PXDNL: variants seen among roughly 807,000 people sequenced by gnomAD.
PXDNL encodes peroxidasin like, also known as probable oxidoreductase PXDNL.
In PXDNL, 145 loss-of-function variants were observed where a neutral mutation model predicts 150.8. That is an observed-to-expected ratio of 0.96 (90% confidence interval 0.84 to 1.10). The LOEUF (loss-of-function observed/expected upper bound fraction) is 1.10, where lower values mean the gene tolerates loss of function less well. Among genes scored for constraint, PXDNL ranks in the 50% least tolerant of loss-of-function variants. PXDNL has a pLI of 0.00. For missense variants in PXDNL, 2,087 were observed against 1,873.9 expected (o/e 1.11, Z -2.10); for synonymous variants, 757 against 725.7 (o/e 1.04, Z -0.69).
At position 51,345,924 on chromosome 8, in the gene PXDNL, T is replaced by C; in HGVS notation, c.3925A>G (p.Arg1309Gly). 1 of 1,612,928 alleles carries C rather than the reference T, an allele frequency of 6.2e-7. No homozygotes were observed. The highest frequency in any genetic ancestry group is 8.5e-7 in the Non-Finnish European group (1 of 1,178,886). ...CADCRSRGQFRAVTQESQKKR... is the reference protein window; with the variant it reads ...CADCRSRGQFGAVTQESQKKR... ...TTTTGAGACTCTTGCGTCACTGCTC[T>C]GAACTGTCCTCTACTCCTACAGTCT... Residue 1309 changes from arginine to glycine, a missense_variant, in exon 20 of 23, where the codon AGA becomes GGA. By Grantham distance (125) the Arg-to-Gly change is moderately radical. Transcript: ENST00000356297.
chr8:51,353,199 T>G (rs1165980715), intron 19 of PXDNL, among the ~76,000 whole-genome samples: 1 of 150,186 alleles, frequency 6.7e-6, no homozygotes, highest in Non-Finnish European at 1.5e-5. Context: ...ATACTAGATA[T>G]TAGATGAATA....
intron 20 of PXDNL, among the ~76,000 whole-genome samples, chr8:51,340,340 A>G (rs948506667): frequency 2.6e-5 from 4 of 152,232 alleles, no homozygotes; most frequent in Non-Finnish European, 5.9e-5. Flanking sequence ...AAACTTTCAA[A>G]AAACAGAAGC....
chr8:51,686,179 T>G (rs1271161975), intron 1 of PXDNL, among the ~76,000 whole-genome samples: 1 of 152,254 alleles, frequency 6.6e-6, no homozygotes, highest in Non-Finnish European at 1.5e-5. Flanking sequence ...GGGAAACAGA[T>G]TCACTTTCGA....
At chr8:51,710,331 T>G (rs1018577533) in intron 1 of PXDNL, among the ~76,000 whole-genome samples, 1 of 152,198 alleles carries the variant, frequency 6.6e-6, no homozygotes, top group African/African-American at 2.4e-5. Context: ...CAAAGAAAAA[T>G]TATACATATT....
At chr8:51,671,710 T>C (rs996829991) in intron 1 of PXDNL, among the ~76,000 whole-genome samples, 1 of 152,076 alleles carries the variant, frequency 6.6e-6, no homozygotes, top group Non-Finnish European at 1.5e-5. Context: ...TGCCAAACAC[T>C]TGATCACTTA....
intron 1 of PXDNL, among the ~76,000 whole-genome samples, chr8:51,805,876 T>C (rs1352482518): frequency 1.3e-5 from 2 of 152,206 alleles, no homozygotes; most frequent in Non-Finnish European, 2.9e-5. Flanking sequence ...TGGAATAGGA[T>C]GGAGTCAAAT....
At chr8:51,471,295 C>G (rs1041841639) in intron 8 of PXDNL, among the ~76,000 whole-genome samples, 2 of 152,164 alleles carry the variant, frequency 1.3e-5, no homozygotes, top group African/African-American at 4.8e-5. Context: ...TACCATCTCA[C>G]GCCAGTTAGA....
chr8:51,663,698 A>G (rs573133890), intron 1 of PXDNL, among the ~76,000 whole-genome samples: 40 of 152,260 alleles, frequency 2.6e-4, no homozygotes, highest in African/African-American at 9.1e-4. Context: ...CATCTGCTAC[A>G]TACCTGGTTC....
chr8:51,391,280 T>C (rs1293797918), intron 17 of PXDNL, among the ~76,000 whole-genome samples: 1 of 152,174 alleles, frequency 6.6e-6, no homozygotes, highest in Non-Finnish European at 1.5e-5. Context: ...CTGGGTCAAA[T>C]GGTATTTCTA....
chr8:51,592,053 A>G (rs1488600954), intron 3 of PXDNL, among the ~76,000 whole-genome samples: 1 of 152,238 alleles, frequency 6.6e-6, no homozygotes, highest in East Asian at 1.9e-4. Context: ...TCAAATTACC[A>G]AACACCAATG....
intron 12 of PXDNL, among the ~76,000 whole-genome samples, chr8:51,443,619 A>T (rs1384644435): frequency 6.6e-6 from 1 of 152,228 alleles, no homozygotes; most frequent in African/African-American, 2.4e-5. Flanking sequence ...AACTCATGGC[A>T]TTTTTAAATA....
At chr8:51,681,321 T>C (rs1815746668) in intron 1 of PXDNL, among the ~76,000 whole-genome samples, 2 of 152,212 alleles carry the variant, frequency 1.3e-5, no homozygotes, top group African/African-American at 4.8e-5. Flanking sequence ...ACCTCTTATT[T>C]CCACACTCCA....
At chr8:51,364,342 A>G (rs866336633) in intron 19 of PXDNL, among the ~76,000 whole-genome samples, 5 of 152,196 alleles carry the variant, frequency 3.3e-5, no homozygotes, top group African/African-American at 4.8e-5. Context: ...GGTCCCCTCC[A>G]CACTCTTACT....
chr8:51,320,126 C>G, intron 22 of PXDNL, 104 bp from the exon 23 acceptor site: 1 of 1,015,670 alleles, frequency 9.8e-7, no homozygotes, highest in Non-Finnish European at 1.3e-6. Context: ...AGCTGACTGT[C>G]TCAATATAAT....
intron 1 of PXDNL, among the ~76,000 whole-genome samples, chr8:51,782,348 C>T (rs2037423526): frequency 6.6e-6 from 1 of 152,084 alleles, no homozygotes; most frequent in Non-Finnish European, 1.5e-5. Context: ...GAATCAGCCA[C>T]CATGTTTCAA....
chr8:51,584,591 G>A (rs967148560), intron 3 of PXDNL, among the ~76,000 whole-genome samples: 4 of 152,116 alleles, frequency 2.6e-5, no homozygotes, highest in African/African-American at 7.2e-5. Context: ...GCAGCGGGAC[G>A]TATTTTCAGG....
At chr8:51,673,797 C>T (rs533789187) in intron 1 of PXDNL, among the ~76,000 whole-genome samples, 12 of 152,148 alleles carry the variant, frequency 7.9e-5, no homozygotes, top group Non-Finnish European at 1.2e-4. Context: ...AGATGATGAA[C>T]AGAAAAACAT....
rs541402353 is a variant in PXDNL at position 51,320,910 on chromosome 8, G to A, written c.4147-13C>T. 7 of 1,588,900 alleles carry A rather than the reference G, an allele frequency of 4.4e-6. No individual in the cohort carries two copies. The African/African-American group carries it at 6.7e-5, about 15-fold the overall frequency. Reference sequence around the variant, plus strand: ...CCAGCTTGTTTATCTGAAAGGGGAGGCAAAGGAAAGAAGAGTGGAAATTGA... The same window carrying A: ...CCAGCTTGTTTATCTGAAAGGGGAGACAAAGGAAAGAAGAGTGGAAATTGA... On this transcript the variant is annotated splice_polypyrimidine_tract_variant and intron_variant, in intron 21 of 22. Coordinates refer to ENST00000356297, the MANE Select transcript of PXDNL (RefSeq NM_144651.5).
At chr8:51,715,622 C>T (rs1339217775) in intron 1 of PXDNL, among the ~76,000 whole-genome samples, 1 of 152,140 alleles carries the variant, frequency 6.6e-6, no homozygotes, top group Non-Finnish European at 1.5e-5. Context: ...AAGAGCAACA[C>T]GTAGCAAAGC....
Sources: gnomAD v4.1 joint callset for allele counts (sites outside exome capture counted in the v4.1 genomes callset) on GRCh38, gnomAD v4.1.1 for gene constraint, MANE v1.5 for transcripts, NCBI Gene and HGNC (gene_info 2026-07-23, HGNC 2026-07-21) for gene names.